MSR1: variants seen among roughly 807,000 people sequenced by gnomAD.
The protein encoded by MSR1 is macrophage scavenger receptor 1.
Under a neutral mutation model 47.2 loss-of-function variants are expected in MSR1, and 53 were observed. That is an observed-to-expected ratio of 1.12 (90% CI 0.90 to 1.41). MSR1 has a LOEUF of 1.41. Among genes scored for constraint, MSR1 ranks in the 40% most tolerant of loss-of-function variants. The probability of loss-of-function intolerance (pLI) is 0.00; values close to 1 mark genes in which losing one functional copy is unlikely to be tolerated. For synonymous variants in MSR1, 239 were observed against 185.6 expected, an observed-to-expected ratio of 1.29 and a Z score of -2.34; for missense variants, 786 against 546.9, an observed-to-expected ratio of 1.44 and a Z score of -4.36.
At chr8:16,158,998 G>C (rs1232723263) in intron 5 of MSR1, among the ~76,000 whole-genome samples, 1 of 129,924 alleles carries the variant, frequency 7.7e-6, no homozygotes, top group Non-Finnish European at 1.6e-5. Flanking sequence ...TTGAACTTCT[G>C]GGCTCAAAAG....
At chr8:16,190,013 C>T (rs1184117542) in intron 1 of MSR1, among the ~76,000 whole-genome samples, 1 of 145,050 alleles carries the variant, frequency 6.9e-6, no homozygotes, top group Non-Finnish European at 1.5e-5. Flanking sequence ...CTCCTGGGTT[C>T]ACGTGATTCT....
Position 16,171,267 on chromosome 8 carries a change from C to A in MSR1, c.218-2397G>T, listed in dbSNP as rs944937293. Reference sequence around the variant, plus strand: ...AAAAAAAAAGAAGCTGTTTGATAAGCATTACTACTGTAGCTATTATTACAT... The same window carrying A: ...AAAAAAAAAGAAGCTGTTTGATAAGAATTACTACTGTAGCTATTATTACAT... On this transcript the variant is annotated intron_variant, in intron 3 of 9. Coordinates refer to ENST00000262101, the MANE Select transcript of MSR1 (RefSeq NM_138715.3). Among the ~76,000 whole-genome samples the A allele has an allele frequency of 4.7e-5, 7 of 148,966 alleles. No individual in the cohort carries two copies. The East Asian group carries it at 1.4e-3, about 29-fold the overall frequency.
intron 3 of MSR1, among the ~76,000 whole-genome samples, chr8:16,169,177 A>G (rs1302084820): frequency 6.6e-6 from 1 of 152,204 alleles, no homozygotes; most frequent in Non-Finnish European, 1.5e-5. Context: ...TTAAAAAAAA[A>G]TTCTATAGAT....
rs34893061 is a variant in MSR1, at chr8:16,182,559, CT to C, written c.-4-4568del. Among the ~76,000 whole-genome samples the C allele has an allele frequency of 7.8e-3, 1,144 of 146,234 alleles. 10 individuals carry two copies. The highest frequency in any genetic ancestry group is 0.021 in the African/African-American group (864 of 40,360). On this transcript the variant is annotated intron_variant, in intron 1 of 9. Transcript: ENST00000262101. The stretch of plus-strand genomic sequence containing the variant: ...AGCTTTATCCTATAAGCTATTTTAA[CT>C]TTTTTTTTTTTTAATGTTTCTACTT...
intron 8 of MSR1, among the ~76,000 whole-genome samples, chr8:16,131,054 A>T (rs1024563081): frequency 9.9e-5 from 15 of 152,142 alleles, no homozygotes; most frequent in Non-Finnish European, 1.5e-5. Context: ...ATAAACCACC[A>T]AAGTGCTTTC....
Position 16,108,921 on chromosome 8 carries a change from G to C in MSR1, c.*1164C>G, listed in dbSNP as rs1173272875. 6.6e-6 allele frequency: 1 copy of C among 151,926 alleles called. No individual in the cohort carries two copies. Among genetic ancestry groups the C allele is most frequent in the Non-Finnish European group, 1.5e-5 (1 of 67,966 alleles). The allele number at this position is 151,926 out of a possible 1,614,324, so 9.4% of individuals were successfully genotyped here. ...ACTAGTTTACAATTACTTTTTTTGTGAATTAGTCATAGGAAACTTCAGAAT... is the reference window on the plus strand; with the variant it reads ...ACTAGTTTACAATTACTTTTTTTGTCAATTAGTCATAGGAAACTTCAGAAT... On this transcript the variant is annotated 3_prime_UTR_variant, in exon 10 of 10. Coordinates refer to ENST00000262101, the MANE Select transcript of MSR1 (RefSeq NM_138715.3).
intron 8 of MSR1, among the ~76,000 whole-genome samples, chr8:16,130,690 C>T (rs1216827127): frequency 6.6e-6 from 1 of 151,956 alleles, no homozygotes; most frequent in Non-Finnish European, 1.5e-5. Context: ...GTGTCCGTAT[C>T]TACTCAAAGT....
chr8:16,151,910 C>A (rs1800871645), intron 6 of MSR1, among the ~76,000 whole-genome samples: 1 of 152,236 alleles, frequency 6.6e-6, no homozygotes, highest in African/African-American at 2.4e-5. Flanking sequence ...TGATTGACCT[C>A]AAGCAAGTCA....
intron 6 of MSR1, among the ~76,000 whole-genome samples, chr8:16,151,398 A>G (rs1800855087): frequency 6.6e-6 from 1 of 152,158 alleles, no homozygotes; most frequent in Non-Finnish European, 1.5e-5. Context: ...TCAGGCAGTC[A>G]TAGACCTCTG....
chr8:16,110,318 G>C (rs1001421899), intron 9 of MSR1, 100 bp from the exon 10 acceptor site: 2 of 1,364,240 alleles, frequency 1.5e-6, no homozygotes, highest in South Asian at 1.2e-5. Flanking sequence ...AAACAAAAAA[G>C]TGTTGATTAT....
chr8:16,188,170 C>G (rs1802057483), intron 1 of MSR1, among the ~76,000 whole-genome samples: 1 of 152,094 alleles, frequency 6.6e-6, no homozygotes, highest in Non-Finnish European at 1.5e-5. Flanking sequence ...GTAATATCAG[C>G]ATTTTATCAA....
chr8:16,155,248 G>A, intron 5 of MSR1, 104 bp from the exon 6 acceptor site: 1 of 796,642 alleles, frequency 1.3e-6, no homozygotes, highest in African/African-American at 1.7e-5. Flanking sequence ...TCTTCTATTT[G>A]TTGTGCAATA....
At chr8:16,140,121 C>T in intron 8 of MSR1, 12 of 983,962 alleles carry the variant, frequency 1.2e-5, no homozygotes, top group Non-Finnish European at 1.4e-5. Context: ...CTATGACATC[C>T]CTATCTCTGG....
In MSR1 at chr8:16,168,337, A is replaced by C. The variant is rs572175716; in HGVS notation, c.630+121T>G. 3 of 933,278 alleles carry C rather than the reference A, an allele frequency of 3.2e-6. No individual in the cohort carries two copies. In the African/African-American group the frequency reaches 4.9e-5, roughly 15 times the overall value. The allele number at this position is 933,278 out of a possible 1,614,324, so 57.8% of individuals were successfully genotyped here. A position where few individuals can be genotyped will look rare whatever the true frequency, so the allele number is the denominator to read the frequency against. Reference sequence around the variant, plus strand: ...AAATCTGGATAAGTTAGCCATAGAAATCAGGGTAAACAGGATGATGAAACA... The same window carrying C: ...AAATCTGGATAAGTTAGCCATAGAACTCAGGGTAAACAGGATGATGAAACA... On this transcript the variant is annotated intron_variant, in intron 4 of 9. Coordinates refer to ENST00000262101, the MANE Select transcript of MSR1 (RefSeq NM_138715.3).
chr8:16,150,034 G>C (rs1800804322), intron 7 of MSR1, among the ~76,000 whole-genome samples, 197 bp downstream of exon 7: 1 of 150,660 alleles, frequency 6.6e-6, no homozygotes, highest in Admixed American at 6.6e-5. Flanking sequence ...CAAAATAACT[G>C]CATGTGAATA....
chr8:16,163,262 A>G (rs542429886), intron 5 of MSR1, among the ~76,000 whole-genome samples: 1 of 152,116 alleles, frequency 6.6e-6, no homozygotes, highest in East Asian at 1.9e-4. Context: ...ACATGATAAG[A>G]TAGTGGAAAT....
At chr8:16,141,191 A>G in intron 8 of MSR1, 1 of 822,914 alleles carries the variant, frequency 1.2e-6, no homozygotes, top group South Asian at 1.8e-5. Context: ...AGGCACTTTC[A>G]TACAGAATAA....
chr8:16,121,482 T>C (rs997421232), intron 8 of MSR1, among the ~76,000 whole-genome samples: 2 of 151,900 alleles, frequency 1.3e-5, no homozygotes, highest in Admixed American at 1.3e-4. Flanking sequence ...TTAAATAAAA[T>C]AGTGCAACAA....
chr8:16,111,096 G>T (rs1040879739), intron 9 of MSR1, among the ~76,000 whole-genome samples: 1 of 152,054 alleles, frequency 6.6e-6, no homozygotes, highest in African/African-American at 2.4e-5. Flanking sequence ...GTTTGTGATT[G>T]TATGTGTGAG....
Sources: gnomAD v4.1 joint callset for allele counts (sites outside exome capture counted in the v4.1 genomes callset) on GRCh38, gnomAD v4.1.1 for gene constraint, MANE v1.5 for transcripts, NCBI Gene and HGNC (gene_info 2026-07-23, HGNC 2026-07-21) for gene names.